The following THAP4 variants were observed in gnomAD, a reference collection of about 807,000 sequenced individuals.
THAP4 encodes the protein peroxynitrite isomerase THAP4.
THAP4 carries 18 observed loss-of-function variants against 48.1 expected under a neutral mutation model. That is an observed-to-expected ratio of 0.37 (90% CI 0.26 to 0.56). THAP4 has a LOEUF of 0.56. Ranked by LOEUF, THAP4 falls within the 20% of genes least tolerant of loss-of-function variation. The probability of loss-of-function intolerance (pLI) is 0.78; values close to 1 mark genes in which losing one functional copy is unlikely to be tolerated. For missense variants in THAP4, 656 were observed against 774.9 expected (o/e 0.85, Z 1.82); for synonymous variants, 345 against 324.9 (o/e 1.06, Z -0.66).
chr2:241,630,742 G>A (rs923595642), intron 2 of THAP4, among the ~76,000 whole-genome samples: 3 of 147,938 alleles, frequency 2.0e-5, no homozygotes, highest in African/African-American at 7.5e-5. Flanking sequence ...TTGCACCATT[G>A]CACTCCAGCC....
chr2:241,614,252 CAG>C (rs923047556), intron 2 of THAP4, among the ~76,000 whole-genome samples: 13 of 151,882 alleles, frequency 8.6e-5, no homozygotes, highest in Middle Eastern at 6.8e-3. Flanking sequence ...TAAAGCAATT[CAG>C]AGAGAGAGTC....
chr2:241,603,778 A>G (rs1287162981), intron 3 of THAP4, among the ~76,000 whole-genome samples: 2 of 152,184 alleles, frequency 1.3e-5, no homozygotes, highest in Admixed American at 1.3e-4. Flanking sequence ...ATGGTTTCTT[A>G]TCACCCTTCA....
upstream of THAP4, chr2:241,637,533 G>T (rs551422124): frequency 9.0e-6 from 13 of 1,449,524 alleles, no homozygotes; most frequent in Middle Eastern, 1.8e-4. Context: ...GCGCCCCGGG[G>T]CTCGCGTCGG....
chr2:241,585,652 G>GTC (rs1409702349), intron 5 of THAP4, among the ~76,000 whole-genome samples: 2 of 152,062 alleles, frequency 1.3e-5, no homozygotes, highest in African/African-American at 4.8e-5. Context: ...AAGGGGTGGA[G>GTC]GCTGAGAGGG....
At position 241,637,121 on chromosome 2, in the gene THAP4, G is replaced by T. The variant is rs1234294317; in HGVS notation, c.-104C>A. On this transcript the variant is annotated 5_prime_UTR_variant, in exon 1 of 6. Transcript: ENST00000407315. Reference sequence around the variant, plus strand: ...GCGCGGCGGCGACACGGCTCGGGACGTGGGCCGGCCCGCGGCGTCCGCGCC... The same window carrying T: ...GCGCGGCGGCGACACGGCTCGGGACTTGGGCCGGCCCGCGGCGTCCGCGCC... The T allele has an allele frequency of 4.0e-6, 4 of 1,001,024 alleles. No individual in the cohort carries two copies. Among genetic ancestry groups the T allele is most frequent in the East Asian group, 1.1e-4 (1 of 9,518 alleles). The allele number at this position is 1,001,024 out of a possible 1,614,324, so 62.0% of individuals were successfully genotyped here. A position where few individuals can be genotyped will look rare whatever the true frequency, so the allele number is the denominator to read the frequency against.
At chr2:241,636,043 A>T (rs893204424) in intron 1 of THAP4, among the ~76,000 whole-genome samples, 9 of 152,226 alleles carry the variant, frequency 5.9e-5, no homozygotes, top group East Asian at 3.9e-4. Flanking sequence ...TCGTTTTCAA[A>T]AAACAATAAC....
intron 2 of THAP4, among the ~76,000 whole-genome samples, chr2:241,631,166 G>A (rs927460038): frequency 7.2e-5 from 11 of 152,160 alleles, no homozygotes; most frequent in African/African-American, 1.2e-4. Flanking sequence ...CAGTGGCACC[G>A]TTCCTCCCCA....
intron 2 of THAP4, among the ~76,000 whole-genome samples, chr2:241,630,422 A>G (rs529331370): frequency 2.6e-5 from 4 of 152,232 alleles, no homozygotes; most frequent in Non-Finnish European, 5.9e-5. Flanking sequence ...CTGTTTGCAA[A>G]AACCTGTAAT....
rs909896276 is a variant in THAP4, at chr2:241,601,363, G to C, written c.1614+533C>G. 2.0e-5 allele frequency among the ~76,000 whole-genome samples: 3 copies of C among 152,154 alleles called. No individual in the cohort carries two copies. The highest frequency in any genetic ancestry group is 6.6e-5 in the Admixed American group (1 of 15,266). ...GAAGCGTAAACAGCCAGTGAGCATG[G>C]GGAATGAGCCCTCCTGCTTCTAAGT... is the stretch of plus-strand genomic sequence containing the variant. On this transcript the variant is annotated intron_variant, in intron 5 of 5. Coordinates refer to ENST00000407315, the MANE Select transcript of THAP4 (RefSeq NM_015963.6). This position sits in a 1 kb window ranked among gnomAD's most constrained non-coding sequence, Gnocchi z 4.0.
In THAP4 at chr2:241,633,518, C is replaced by T. The variant is rs781149882; in HGVS notation, c.639G>A (p.Lys213=). Residue 213 remains lysine, a synonymous_variant, in exon 2 of 6, where the codon AAG becomes AAA. Transcript: ENST00000407315. The surrounding 1 kb of genome is among the most constrained non-coding windows in gnomAD (Gnocchi z 7.5). ...TAAAGTCATCCATAGAAATGCCACT[C>T]TTATCTGTCACGCCCCCTTCGATGG... ...TSSIEGGVTD[K]SGISMDDFTP... is the part of the protein sequence containing the mutation. The T allele has an allele frequency of 3.2e-5, 51 of 1,614,054 alleles. No homozygotes were observed. The highest frequency in any genetic ancestry group is 4.1e-5 in the Non-Finnish European group (48 of 1,180,042).
At chr2:241,637,221 C>G, upstream of THAP4, 1 of 992,972 alleles carries the variant, frequency 1.0e-6, no homozygotes, top group Non-Finnish European at 1.2e-6. Context: ...TCCTCGCCAG[C>G]CGCGGGTTCG....
intron 2 of THAP4, among the ~76,000 whole-genome samples, chr2:241,622,595 CAA>C (rs1216319718): frequency 1.3e-5 from 2 of 150,262 alleles, no homozygotes; most frequent in Non-Finnish European, 3.0e-5. Flanking sequence ...AGAAAACAAA[CAA>C]AAAAAAAGTT....
chr2:241,623,609 G>GA (rs1302632281), intron 2 of THAP4, among the ~76,000 whole-genome samples: 1 of 150,856 alleles, frequency 6.6e-6, no homozygotes, highest in East Asian at 1.9e-4. Context: ...AAAAAAGAGA[G>GA]AAGGTACAAA....
At chr2:241,594,901 C>T (rs1227602071) in intron 5 of THAP4, among the ~76,000 whole-genome samples, 1 of 152,162 alleles carries the variant, frequency 6.6e-6, no homozygotes, top group Non-Finnish European at 1.5e-5. Flanking sequence ...TATGATTGTG[C>T]CACAGAAGAT....
chr2:241,604,457 G>A (rs1210140211), intron 3 of THAP4, among the ~76,000 whole-genome samples: 1 of 151,944 alleles, frequency 6.6e-6, no homozygotes. Context: ...CTCCATGTTG[G>A]TCAGGCTGAT....
At chr2:241,614,070 C>G (rs1425928369) in intron 2 of THAP4, among the ~76,000 whole-genome samples, 3 of 151,710 alleles carry the variant, frequency 2.0e-5, no homozygotes, top group Non-Finnish European at 4.4e-5. Context: ...GGGAGAATCA[C>G]TTGCGCCCAG....
At chr2:241,634,335 C>T (rs550491521) in intron 1 of THAP4, among the ~76,000 whole-genome samples, 3 of 152,356 alleles carry the variant, frequency 2.0e-5, no homozygotes, top group Admixed American at 2.0e-4. Context: ...AGGTAACCAA[C>T]TGCTCCCCAG....
chr2:241,602,903 C>T (rs1479320218), intron 4 of THAP4, 67 bp downstream of exon 4: 3 of 1,232,086 alleles, frequency 2.4e-6, no homozygotes, highest in East Asian at 2.3e-5. Context: ...CATCCCTGCA[C>T]CCCTGCTTCG....
In THAP4 at chr2:241,616,969, T is replaced by G. The variant is rs1212706795; in HGVS notation, c.1241-10496A>C. Among the ~76,000 whole-genome samples the G allele has an allele frequency of 6.6e-6, 1 of 152,196 alleles. No homozygotes were observed. Among genetic ancestry groups the G allele is most frequent in the Non-Finnish European group, 1.5e-5 (1 of 68,014 alleles). On this transcript the variant is annotated intron_variant, in intron 2 of 5. Coordinates refer to ENST00000407315, the MANE Select transcript of THAP4 (RefSeq NM_015963.6). The surrounding 1 kb of genome is among the most constrained non-coding windows in gnomAD (Gnocchi z 4.6). ...AACCTGCTCCTGGGGCCGCTCCCCC[T>G]GCACCCTCCACCACTTCGGGCCGCG...
Sources: gnomAD v4.1 joint callset for allele counts (sites outside exome capture counted in the v4.1 genomes callset) on GRCh38, gnomAD v4.1.1 for gene constraint, Gnocchi (gnomAD v3.1) non-coding constraint, MANE v1.5 for transcripts, NCBI Gene and HGNC (gene_info 2026-07-23, HGNC 2026-07-21) for gene names.